Variants in PLCB1 observed in about 807,000 individuals in gnomAD.
PLCB1 encodes 1-phosphatidylinositol 4,5-bisphosphate phosphodiesterase beta-1.
Under a neutral mutation model 161.8 loss-of-function variants are expected in PLCB1, and 46 were observed. The ratio of observed to expected loss-of-function variants is 0.28; its 90% CI spans 0.22 to 0.36. PLCB1 has a LOEUF of 0.36. Among genes scored for constraint, PLCB1 ranks in the 10% least tolerant of loss-of-function variants. PLCB1 has a pLI of 1.00. For missense variants in PLCB1, 1,016 were observed against 1,472.5 expected (o/e 0.69, Z 5.07); for synonymous variants, 517 against 503.7 (o/e 1.03, Z -0.35).
chr20:8,545,334 A>G (rs994120990), intron 3 of PLCB1, among the ~76,000 whole-genome samples: 1 of 152,190 alleles, frequency 6.6e-6, no homozygotes, highest in African/African-American at 2.4e-5. Flanking sequence ...AAGAAGGTTA[A>G]TTGAAGACAG....
chr20:8,158,169 T>G (rs2051582867), intron 2 of PLCB1, among the ~76,000 whole-genome samples: 1 of 152,254 alleles, frequency 6.6e-6, no homozygotes, highest in African/African-American at 2.4e-5. Flanking sequence ...TTGTTCATAA[T>G]TTTACTTCCT....
At chr20:8,465,989 A>G (rs1170356877) in intron 3 of PLCB1, among the ~76,000 whole-genome samples, 2 of 148,016 alleles carry the variant, frequency 1.4e-5, no homozygotes, top group Admixed American at 1.4e-4. Flanking sequence ...TACCCAAAGG[A>G]CTATAAATCA....
rs1982807365 is a variant in PLCB1 at position 8,280,277 on chromosome 20, T to C, written c.178-91105T>C. ...CTTGAACCTGGAGGCAGAGGTTGCA[T>C]TGAGCAGAGGTCACACAATTGCACT... On this transcript the variant is annotated intron_variant, in intron 2 of 31. Coordinates refer to ENST00000338037, the MANE Select transcript of PLCB1 (RefSeq NM_015192.4). Among the ~76,000 whole-genome samples, 5 of 151,538 alleles carry C rather than the reference T, an allele frequency of 3.3e-5. No homozygotes were observed. The South Asian group carries it at 6.3e-4, about 19-fold the overall frequency.
At chr20:8,297,016 A>C (rs1161263369) in intron 2 of PLCB1, among the ~76,000 whole-genome samples, 3 of 152,124 alleles carry the variant, frequency 2.0e-5, no homozygotes, top group Non-Finnish European at 4.4e-5. Context: ...ACTTGAGTAC[A>C]TATAGTTGTG....
At chr20:8,431,344 G>A (rs770713703) in intron 3 of PLCB1, among the ~76,000 whole-genome samples, 1 of 152,148 alleles carries the variant, frequency 6.6e-6, no homozygotes, top group Admixed American at 6.5e-5. Flanking sequence ...CTGTAAGGCT[G>A]TTTCCCTGAA....
chr20:8,356,701 G>C (rs76263949), intron 2 of PLCB1, among the ~76,000 whole-genome samples: 3,406 of 152,198 alleles, frequency 0.022, 55 homozygotes, highest in Admixed American at 0.035. Flanking sequence ...GACCCACATA[G>C]AGCAAATGTG....
intron 3 of PLCB1, among the ~76,000 whole-genome samples, chr20:8,390,551 T>C (rs1184849038): frequency 6.6e-6 from 1 of 152,198 alleles, no homozygotes; most frequent in South Asian, 2.1e-4. Flanking sequence ...GGAGTAGCAG[T>C]GTATGATTAT....
At chr20:8,795,662 T>C (rs920702363) in intron 31 of PLCB1, among the ~76,000 whole-genome samples, 12 of 152,110 alleles carry the variant, frequency 7.9e-5, no homozygotes, top group Admixed American at 2.0e-4. Flanking sequence ...GGGATTTCCA[T>C]ACCTGGGTTT....
At chr20:8,256,262 C>G (rs896440390) in intron 2 of PLCB1, among the ~76,000 whole-genome samples, 11 of 152,104 alleles carry the variant, frequency 7.2e-5, no homozygotes, top group African/African-American at 2.7e-4. Flanking sequence ...AGTGCCAATT[C>G]TATGAGTTAG....
intron 3 of PLCB1, among the ~76,000 whole-genome samples, chr20:8,394,719 T>C (rs1041655485): frequency 5.3e-5 from 8 of 152,212 alleles, no homozygotes; most frequent in African/African-American, 1.7e-4. Context: ...ATATGTTTAA[T>C]AGGCTTGAAG....
intron 3 of PLCB1, among the ~76,000 whole-genome samples, chr20:8,563,346 C>T (rs1884489534): frequency 6.6e-6 from 1 of 151,978 alleles, no homozygotes; most frequent in South Asian, 2.1e-4. Context: ...CATCTATAGA[C>T]AGGGGCTCTG....
intron 8 of PLCB1, 37 bp from the exon 9 acceptor site, chr20:8,658,500 TA>T (rs1989528408): frequency 1.3e-6 from 2 of 1,499,546 alleles, no homozygotes; most frequent in African/African-American, 1.4e-5. Flanking sequence ...AAACTTAGTT[TA>T]AAAAATTCTT....
At chr20:8,358,388 C>G (rs1986432205) in intron 2 of PLCB1, among the ~76,000 whole-genome samples, 1 of 151,976 alleles carries the variant, frequency 6.6e-6, no homozygotes, top group African/African-American at 2.4e-5. Flanking sequence ...AGCTGGGATT[C>G]CAGGCACCCT....
chr20:8,376,891 G>GCCCT (rs1238381391), intron 3 of PLCB1, among the ~76,000 whole-genome samples: 1 of 151,522 alleles, frequency 6.6e-6, no homozygotes, highest in Non-Finnish European at 1.5e-5. Flanking sequence ...TCACACCACT[G>GCCCT]CCCTCCAGCC....
chr20:8,422,113 T>A (rs1413745823), intron 3 of PLCB1, among the ~76,000 whole-genome samples: 1 of 152,250 alleles, frequency 6.6e-6, no homozygotes, highest in Non-Finnish European at 1.5e-5. Flanking sequence ...CAATTTGTTT[T>A]GTGAATTATG....
chr20:8,718,159 G>A lies in PLCB1; in HGVS notation c.1513+311G>A, dbSNP rs1015346476. On this transcript the variant is annotated intron_variant, in intron 14 of 31. Coordinates refer to ENST00000338037, the MANE Select transcript of PLCB1 (RefSeq NM_015192.4). ...CGCTTGAACCTAGGAGGCAGATGTT[G>A]CAGTAAGACAAGATCCAGCCACTGC... Among the ~76,000 whole-genome samples the A allele has an allele frequency of 2.0e-5, 3 of 152,228 alleles. No individual in the cohort carries two copies. The East Asian group carries it at 5.8e-4, about 29-fold the overall frequency.
At chr20:8,286,098 G>C (rs1044953778) in intron 2 of PLCB1, among the ~76,000 whole-genome samples, 1 of 152,212 alleles carries the variant, frequency 6.6e-6, no homozygotes, top group African/African-American at 2.4e-5. Context: ...GCCAAGGCAG[G>C]CAGATCACCT....
chr20:8,668,810 T>A (rs142843795), intron 9 of PLCB1, among the ~76,000 whole-genome samples: 268 of 152,308 alleles, frequency 1.8e-3, no homozygotes, highest in Non-Finnish European at 3.0e-3. Context: ...CAGTCTGCTA[T>A]GATATTATTA....
At chr20:8,619,690 A>G (rs1988126569) in intron 3 of PLCB1, among the ~76,000 whole-genome samples, 1 of 152,188 alleles carries the variant, frequency 6.6e-6, no homozygotes. Context: ...TGGAAGAACC[A>G]GGAACTGAAA....
Sources: gnomAD v4.1 joint callset for allele counts (sites outside exome capture counted in the v4.1 genomes callset) on GRCh38, gnomAD v4.1.1 for gene constraint, MANE v1.5 for transcripts, NCBI Gene and HGNC (gene_info 2026-07-23, HGNC 2026-07-21) for gene names.